Variants in PRDM16 observed in about 807,000 individuals in gnomAD.
PRDM16 encodes the protein histone-lysine N-methyltransferase PRDM16.
PRDM16 carries 23 observed loss-of-function variants against 110.6 expected under a neutral mutation model. The ratio of observed to expected loss-of-function variants is 0.21; its 90% CI spans 0.15 to 0.29. PRDM16 has a LOEUF of 0.29. Among genes scored for constraint, PRDM16 ranks in the 10% least tolerant of loss-of-function variants. PRDM16 has a pLI of 1.00. For synonymous variants in PRDM16, 799 were observed against 781.8 expected (o/e 1.02, Z -0.37); for missense variants, 1,615 against 1,794.3 (o/e 0.90, Z 1.81).
At chr1:3,122,282 C>G (rs1286692717) in intron 1 of PRDM16, among the ~76,000 whole-genome samples, 1 of 152,212 alleles carries the variant, frequency 6.6e-6, no homozygotes, top group African/African-American at 2.4e-5. Flanking sequence ...CCTCGACGCT[C>G]TCTGCAGATC....
At chr1:3,145,059 CACTTGGAT>C (rs1049741490) in intron 1 of PRDM16, among the ~76,000 whole-genome samples, 1 of 152,194 alleles carries the variant, frequency 6.6e-6, no homozygotes, top group Non-Finnish European at 1.5e-5. Context: ...GATGTCCCTG[CACTTGGAT>C]GTCTGTGGAG....
chr1:3,240,728 C>G (rs1639650777), intron 2 of PRDM16, among the ~76,000 whole-genome samples: 1 of 152,248 alleles, frequency 6.6e-6, no homozygotes, highest in Non-Finnish European at 1.5e-5. Context: ...TGGGGCGGCG[C>G]CAGAACTCCA....
chr1:3,283,984 TGC>T (rs1640792030), intron 3 of PRDM16, among the ~76,000 whole-genome samples: 1 of 152,128 alleles, frequency 6.6e-6, no homozygotes, highest in African/African-American at 2.4e-5. Context: ...GGGTTGGAAG[TGC>T]GCTGGGGGCC....
intron 4 of PRDM16, chr1:3,386,724 AG>A (rs1569643578): frequency 6.6e-6 from 1 of 152,230 alleles, no homozygotes; most frequent in African/African-American, 2.4e-5. Flanking sequence ...GGCGCATAGA[AG>A]GACGGTCTTT....
At chr1:3,256,487 G>T (rs6699624) in intron 3 of PRDM16, among the ~76,000 whole-genome samples, 13 of 151,960 alleles carry the variant, frequency 8.6e-5, no homozygotes, top group Non-Finnish European at 1.8e-4. Flanking sequence ...GGAATTGCGG[G>T]GAGACAGGGA....
intron 2 of PRDM16, among the ~76,000 whole-genome samples, chr1:3,231,489 G>C (rs1272685306): frequency 6.7e-6 from 1 of 150,106 alleles, no homozygotes; most frequent in Non-Finnish European, 1.5e-5. Context: ...GGGCGTCGAG[G>C]CTGCTCAGCC....
In PRDM16 at chr1:3,181,841, TAC is replaced by T. The variant is rs1172840250; in HGVS notation, c.38-4279_38-4278del. ...ACATGCGGTCTTACACATTCAGTCTTACACACGGTCTTACACACGCAGTCTTA... is the reference window on the plus strand; with the variant it reads ...ACATGCGGTCTTACACATTCAGTCTTACACGGTCTTACACACGCAGTCTTA... On this transcript the variant is annotated intron_variant, in intron 1 of 16. Transcript: ENST00000270722. 1.8e-4 allele frequency among the ~76,000 whole-genome samples: 17 copies of T among 93,130 alleles called. 1 individual carries two copies. The highest frequency in any genetic ancestry group is 4.8e-5 in the Non-Finnish European group (2 of 41,740). 61.1% of individuals were successfully genotyped at this position (93,130 alleles called of 152,430 possible). A position where few individuals can be genotyped will look rare whatever the true frequency, so the allele number is the denominator to read the frequency against.
intron 1 of PRDM16, among the ~76,000 whole-genome samples, chr1:3,153,825 C>A (rs1307129660): frequency 6.6e-6 from 1 of 152,238 alleles, no homozygotes; most frequent in African/African-American, 2.4e-5. Flanking sequence ...GCAGTAAATA[C>A]ACAGTTTCTA....
intron 2 of PRDM16, among the ~76,000 whole-genome samples, chr1:3,221,550 G>A (rs953173074): frequency 6.6e-6 from 1 of 152,256 alleles, no homozygotes; most frequent in Non-Finnish European, 1.5e-5. Context: ...CGGGCCAGCA[G>A]TCACAGAGAA....
intron 1 of PRDM16, among the ~76,000 whole-genome samples, chr1:3,179,532 G>A (rs572260713): frequency 6.6e-5 from 10 of 152,328 alleles, no homozygotes; most frequent in East Asian, 1.9e-4. Context: ...CATCACATCC[G>A]TCCCAACACC....
chr1:3,170,249 G>A (rs1281089284), intron 1 of PRDM16, among the ~76,000 whole-genome samples: 1 of 152,190 alleles, frequency 6.6e-6, no homozygotes, highest in Non-Finnish European at 1.5e-5. Context: ...CCCCAGGAGT[G>A]CCTGCAGGCC....
chr1:3,264,532 G>T (rs573271443), intron 3 of PRDM16, among the ~76,000 whole-genome samples: 61 of 150,890 alleles, frequency 4.0e-4, no homozygotes, highest in Non-Finnish European at 8.0e-4. Flanking sequence ...AGAACCCCGG[G>T]CCAGGAGGGA....
At chr1:3,188,688 C>T (rs188757639) in intron 2 of PRDM16, among the ~76,000 whole-genome samples, 129 of 152,268 alleles carry the variant, frequency 8.5e-4, no homozygotes, top group African/African-American at 3.0e-3. Context: ...GTTCGGGCAC[C>T]GACTCCCTGG....
intron 1 of PRDM16, among the ~76,000 whole-genome samples, chr1:3,089,848 C>G (rs1291026866): frequency 6.6e-6 from 1 of 152,236 alleles, no homozygotes; most frequent in Non-Finnish European, 1.5e-5. Context: ...CCAACTTCCT[C>G]CGGCCGACCG....
At chr1:3,085,351 G>A (rs552922320) in intron 1 of PRDM16, among the ~76,000 whole-genome samples, 1 of 152,348 alleles carries the variant, frequency 6.6e-6, no homozygotes, top group South Asian at 2.1e-4. Context: ...ATACCCAGCA[G>A]GACCTGGGGG....
chr1:3,128,854 G>A (rs928674200), intron 1 of PRDM16, among the ~76,000 whole-genome samples: 4 of 152,246 alleles, frequency 2.6e-5, no homozygotes, highest in African/African-American at 9.6e-5. Context: ...AGCTGGAACT[G>A]TTCGGCCCTC....
intron 3 of PRDM16, among the ~76,000 whole-genome samples, chr1:3,364,204 C>G (rs961429660): frequency 6.6e-6 from 1 of 152,130 alleles, no homozygotes; most frequent in African/African-American, 2.4e-5. Flanking sequence ...ACCGTGGCCA[C>G]GACGTGGCAG....
In PRDM16 at chr1:3,365,954, G is replaced by GCACACATGCACACACACGCA. The variant is rs1553168826; in HGVS notation, c.439-19192_439-19173dup. Among the ~76,000 whole-genome samples the GCACACATGCACACACACGCA allele has an allele frequency of 4.2e-3, 639 of 150,448 alleles. 5 individuals carry two copies. Among genetic ancestry groups the GCACACATGCACACACACGCA allele is most frequent in the African/African-American group, 0.015 (604 of 40,776 alleles). ...CACATGCACACAAACGCACACGCAT[G>GCACACATGCACACACACGCA]CACACATGCACACACACGCACACAC... On this transcript the variant is annotated intron_variant, in intron 3 of 16. Transcript: ENST00000270722.
intron 1 of PRDM16, among the ~76,000 whole-genome samples, chr1:3,159,978 A>T (rs183146904): frequency 1.3e-3 from 203 of 152,372 alleles, no homozygotes; most frequent in Middle Eastern, 3.4e-3. Context: ...TAAAAAAATC[A>T]TCCACCGCGT....
Sources: gnomAD v4.1 joint callset for allele counts (sites outside exome capture counted in the v4.1 genomes callset) on GRCh38, gnomAD v4.1.1 for gene constraint, MANE v1.5 for transcripts, NCBI Gene and HGNC (gene_info 2026-07-23, HGNC 2026-07-21) for gene names.